Variants in TSPEAR observed in about 807,000 individuals in gnomAD.
TSPEAR encodes the protein thrombospondin-type laminin G domain and EAR repeat-containing protein.
A neutral mutation model predicts 71.6 loss-of-function variants in TSPEAR; 69 were observed. The observed-to-expected ratio is 0.96, with a 90% CI of 0.79 to 1.18. TSPEAR has a LOEUF of 1.18. Among genes scored for constraint, TSPEAR ranks in the 50% most tolerant of loss-of-function variants. The pLI, the probability that TSPEAR is intolerant of heterozygous loss-of-function variation, is 0.00. For synonymous variants in TSPEAR, 402 were observed against 387.2 expected, an observed-to-expected ratio of 1.04 and a Z score of -0.45; for missense variants, 971 against 894.9, an observed-to-expected ratio of 1.09 and a Z score of -1.09.
chr21:44,626,551 C>T (rs1448379000), intron 1 of TSPEAR, among the ~76,000 whole-genome samples: 2 of 152,224 alleles, frequency 1.3e-5, no homozygotes, highest in Admixed American at 1.3e-4. Flanking sequence ...GCCCACGATC[C>T]CTGCCCTGGA....
At chr21:44,500,846 G>A (rs587606261) in intron 11 of TSPEAR, among the ~76,000 whole-genome samples, 5 of 152,230 alleles carry the variant, frequency 3.3e-5, no homozygotes, top group East Asian at 1.9e-4. Flanking sequence ...GTTTTCTGTC[G>A]TGTGTGTGGT....
rs140778310 is a variant in TSPEAR, at chr21:44,711,474, G to A, written c.41C>T (p.Ala14Val). ...ACCCTGCGTGCCGTGGCCGGGGGCC[G>A]CCAGGGGCAGCACAAAACACAGACT... The part of the protein sequence containing the change: ...LLSLCFVLPL[A>V]APGHGTQGWE... Residue 14 changes from alanine (A) to valine (V), a missense_variant, in exon 1 of 12, where the codon GCG becomes GTG. Ala to Val is a moderately conservative substitution (Grantham distance 64, BLOSUM62 0). Transcript: ENST00000323084. The surrounding 1 kb of genome is among the most constrained non-coding windows in gnomAD (Gnocchi z 4.5). 1.7e-5 allele frequency: 28 copies of A among 1,611,334 alleles called. No homozygotes were observed. In the African/African-American group the frequency reaches 2.4e-4, roughly 14 times the overall value.
chr21:44,541,794 A>G (rs2053227391), intron 2 of TSPEAR, among the ~76,000 whole-genome samples: 1 of 152,268 alleles, frequency 6.6e-6, no homozygotes, highest in South Asian at 2.1e-4. Context: ...ACCTATCTTT[A>G]AATAAACTCG....
chr21:44,655,607 T>C (rs1985099053), intron 1 of TSPEAR, among the ~76,000 whole-genome samples: 1 of 152,184 alleles, frequency 6.6e-6, no homozygotes. Context: ...GTCTGATCAG[T>C]CTCACCCCTG....
At chr21:44,563,700 A>G (rs1323822854) in intron 2 of TSPEAR, among the ~76,000 whole-genome samples, 1 of 152,206 alleles carries the variant, frequency 6.6e-6, no homozygotes, top group African/African-American at 2.4e-5. Context: ...GTAATTACAT[A>G]AAGTCATTGC....
intron 1 of TSPEAR, among the ~76,000 whole-genome samples, chr21:44,577,688 C>A (rs587656221): frequency 2.0e-5 from 3 of 152,280 alleles, no homozygotes; most frequent in African/African-American, 7.2e-5. Context: ...TTGGAGGGGA[C>A]ACATATCCAC....
At chr21:44,580,662 A>G in intron 1 of TSPEAR, 1 of 1,400,506 alleles carries the variant, frequency 7.1e-7, no homozygotes, top group Admixed American at 1.8e-5. Flanking sequence ...GGAGTGAGTG[A>G]GTGAGGTGCT....
intron 1 of TSPEAR, among the ~76,000 whole-genome samples, chr21:44,706,038 G>A (rs1210215533): frequency 8.5e-5 from 13 of 152,066 alleles, no homozygotes; most frequent in Admixed American, 7.9e-4. Flanking sequence ...GCCAGTCGAT[G>A]CTTAGGAAAA....
intron 1 of TSPEAR, among the ~76,000 whole-genome samples, chr21:44,707,302 T>TGGGGGGGGGGG (rs781918079): frequency 7.4e-6 from 1 of 135,856 alleles, no homozygotes; most frequent in African/African-American, 2.8e-5. Flanking sequence ...GGACGCGGGG[T>TGGGGGGGGGGG]GGGGGGGGGT....
chr21:44,521,234 G>A (rs2052726707), intron 9 of TSPEAR, among the ~76,000 whole-genome samples: 1 of 152,224 alleles, frequency 6.6e-6, no homozygotes, highest in Non-Finnish European at 1.5e-5. Flanking sequence ...GCCCGAGGTG[G>A]GAGATGCGCC....
chr21:44,669,773 C>T (rs1424415250), intron 1 of TSPEAR, among the ~76,000 whole-genome samples: 1 of 152,192 alleles, frequency 6.6e-6, no homozygotes. Context: ...TGCCCTTTGC[C>T]CCAGCAGTCC....
At position 44,627,228 on chromosome 21, in the gene TSPEAR, G is replaced by A. The variant is rs782151773; in HGVS notation, c.83-59223C>T. The A allele has an allele frequency of 1.1e-5, 17 of 1,612,748 alleles. No individual in the cohort carries two copies. The Admixed American group carries it at 1.3e-4, about 13-fold the overall frequency. On this transcript the variant is annotated intron_variant, in intron 1 of 11. Transcript: ENST00000323084. Reference sequence around the variant, plus strand: ...GCGCTTACTCCGACTCCTGGCAGGTGGACGACTGCCCAGAGAGCTGCTGTG... The same window carrying A: ...GCGCTTACTCCGACTCCTGGCAGGTAGACGACTGCCCAGAGAGCTGCTGTG...
At position 44,711,365 on chromosome 21, in the gene TSPEAR, G is replaced by A; in HGVS notation, c.82+68C>T. ...GAATCAGTGTTAGAAAGTGGCATTT[G>A]TGACTCGACACCCCTCCCAGCTCCC... On this transcript the variant is annotated intron_variant, in intron 1 of 11. Transcript: ENST00000323084. This position sits in a 1 kb window ranked among gnomAD's most constrained non-coding sequence, Gnocchi z 4.5. 1 of 1,425,038 alleles carries A rather than the reference G, an allele frequency of 7.0e-7. No homozygotes were observed. Among genetic ancestry groups the A allele is most frequent in the Non-Finnish European group, 9.6e-7 (1 of 1,040,180 alleles). 88.3% of individuals were successfully genotyped at this position (1,425,038 alleles called of 1,614,324 possible).
intron 1 of TSPEAR, among the ~76,000 whole-genome samples, chr21:44,605,338 C>T (rs56274513): frequency 0.13 from 20,241 of 152,154 alleles, 2,803 homozygotes; most frequent in African/African-American, 0.35. Flanking sequence ...CCCATATTCA[C>T]GGATTACAAG....
chr21:44,540,503 G>A (rs782793694), intron 2 of TSPEAR, among the ~76,000 whole-genome samples: 11 of 152,160 alleles, frequency 7.2e-5, no homozygotes, highest in African/African-American at 9.7e-5. Flanking sequence ...AGGGGGCTGC[G>A]GAGGCAGGGG....
intron 1 of TSPEAR, chr21:44,579,662 GC>G: frequency 6.8e-7 from 1 of 1,469,918 alleles, no homozygotes; most frequent in Non-Finnish European, 9.1e-7. Flanking sequence ...GCACATGGGG[GC>G]CCCGTCCCAA....
intron 1 of TSPEAR, chr21:44,579,783 A>T (rs587741370): frequency 1.7e-5 from 27 of 1,612,402 alleles, no homozygotes; most frequent in South Asian, 2.2e-5. Context: ...AGGGGGGAGC[A>T]CGCGGGGCGG....
At chr21:44,705,391 A>C (rs1162986651) in intron 1 of TSPEAR, among the ~76,000 whole-genome samples, 2 of 152,260 alleles carry the variant, frequency 1.3e-5, no homozygotes, top group Non-Finnish European at 2.9e-5. Flanking sequence ...GGATAACAGC[A>C]ATTGTTCAGG....
At chr21:44,684,600 C>A (rs2075938346) in intron 1 of TSPEAR, among the ~76,000 whole-genome samples, 1 of 152,182 alleles carries the variant, frequency 6.6e-6, no homozygotes, top group Non-Finnish European at 1.5e-5. Flanking sequence ...GAGAAATCCT[C>A]CCCTGCAGAT....
Sources: gnomAD v4.1 joint callset for allele counts (sites outside exome capture counted in the v4.1 genomes callset) on GRCh38, gnomAD v4.1.1 for gene constraint, Gnocchi (gnomAD v3.1) non-coding constraint, MANE v1.5 for transcripts, NCBI Gene and HGNC (gene_info 2026-07-23, HGNC 2026-07-21) for gene names.